Variants in CEP112 observed in about 807,000 individuals in gnomAD.
CEP112 encodes the protein centrosomal protein 112.
Under a neutral mutation model 153.0 loss-of-function variants are expected in CEP112, and 127 were observed. The ratio of observed to expected loss-of-function variants is 0.83; its 90% CI spans 0.72 to 0.96. The LOEUF is 0.96. Among genes scored for constraint, CEP112 ranks in the 40% least tolerant of loss-of-function variants. The pLI is 0.00. For synonymous variants in CEP112, 358 were observed against 374.4 expected, an observed-to-expected ratio of 0.96 and a Z score of 0.51; for missense variants, 1,089 against 1,101.2, an observed-to-expected ratio of 0.99 and a Z score of 0.16.
intron 18 of CEP112, among the ~76,000 whole-genome samples, chr17:65,938,672 G>A (rs1483493690): frequency 6.6e-6 from 1 of 152,030 alleles, no homozygotes; most frequent in Non-Finnish European, 1.5e-5. Flanking sequence ...GTATGCTGAT[G>A]ACATAAACTA....
At chr17:66,046,366 C>T (rs11651977) in intron 12 of CEP112, among the ~76,000 whole-genome samples, 113,526 of 152,032 alleles carry the variant, frequency 0.75, 45,066 homozygotes, top group East Asian at 0.91. Flanking sequence ...AATATAGTCC[C>T]CAAAGAAAGC....
intron 17 of CEP112, among the ~76,000 whole-genome samples, chr17:65,965,051 G>C (rs983626090): frequency 1.3e-5 from 2 of 152,104 alleles, no homozygotes; most frequent in African/African-American, 4.8e-5. Flanking sequence ...TATGTTGAAA[G>C]TCAGTTTTTT....
At chr17:65,956,482 A>G (rs2062008412) in intron 18 of CEP112, among the ~76,000 whole-genome samples, 2 of 152,084 alleles carry the variant, frequency 1.3e-5, no homozygotes, top group African/African-American at 2.4e-5. Context: ...AATGGCATTC[A>G]CATCAACCTG....
At chr17:65,697,308 A>C (rs1234383511) in intron 23 of CEP112, among the ~76,000 whole-genome samples, 1 of 152,114 alleles carries the variant, frequency 6.6e-6, no homozygotes, top group African/African-American at 2.4e-5. Flanking sequence ...TCTCATTTAA[A>C]CCTTAATTGC....
chr17:65,718,927 TA>T (rs2049708193), intron 23 of CEP112, among the ~76,000 whole-genome samples: 1 of 151,804 alleles, frequency 6.6e-6, no homozygotes, highest in African/African-American at 2.4e-5. Flanking sequence ...CAGAGAGAGG[TA>T]GAGAGAAAGG....
intron 17 of CEP112, among the ~76,000 whole-genome samples, chr17:66,003,963 T>C (rs67214786): frequency 0.41 from 62,390 of 151,654 alleles, 14,297 homozygotes; most frequent in East Asian, 0.87. Flanking sequence ...GGACCACTGA[T>C]TGAAAGAAAT....
At chr17:65,713,540 C>T (rs1042550879) in intron 23 of CEP112, among the ~76,000 whole-genome samples, 2 of 152,120 alleles carry the variant, frequency 1.3e-5, no homozygotes, top group Non-Finnish European at 2.9e-5. Context: ...TCAATCCCTC[C>T]ATTTCTTTAA....
At chr17:65,888,516 T>C (rs1423472412) in intron 20 of CEP112, among the ~76,000 whole-genome samples, 1 of 152,016 alleles carries the variant, frequency 6.6e-6, no homozygotes, top group African/African-American at 2.4e-5. Context: ...TTTTACCATA[T>C]ATCATTATTC....
intron 21 of CEP112, among the ~76,000 whole-genome samples, chr17:65,815,450 G>A (rs995788855): frequency 6.6e-6 from 1 of 152,008 alleles, no homozygotes; most frequent in Non-Finnish European, 1.5e-5. Context: ...ATGAAATCAG[G>A]AGGTGTAATT....
At chr17:65,711,693 C>G (rs1232268801) in intron 23 of CEP112, among the ~76,000 whole-genome samples, 2 of 152,238 alleles carry the variant, frequency 1.3e-5, no homozygotes, top group Admixed American at 6.5e-5. Context: ...TTTGTGAAGT[C>G]AAAACATTTT....
intron 20 of CEP112, among the ~76,000 whole-genome samples, chr17:65,867,576 T>C (rs2058527178): frequency 6.6e-6 from 1 of 152,230 alleles, no homozygotes; most frequent in Non-Finnish European, 1.5e-5. Context: ...TTGGGGTTAA[T>C]CTACAGAAGC....
chr17:66,151,962 T>A (rs2071229085), intron 4 of CEP112, among the ~76,000 whole-genome samples: 1 of 152,176 alleles, frequency 6.6e-6, no homozygotes, highest in Non-Finnish European at 1.5e-5. Context: ...TTAGAGTAAT[T>A]TGTAATGGAA....
At chr17:65,654,235 G>C (rs2045946460) in intron 24 of CEP112, among the ~76,000 whole-genome samples, 1 of 152,148 alleles carries the variant, frequency 6.6e-6, no homozygotes, top group African/African-American at 2.4e-5. Flanking sequence ...TCCGTTTTAA[G>C]AAAGGTGCTC....
intron 17 of CEP112, among the ~76,000 whole-genome samples, chr17:66,001,359 T>C (rs1482551772): frequency 6.6e-6 from 1 of 152,244 alleles, no homozygotes; most frequent in African/African-American, 2.4e-5. Flanking sequence ...CTTTGTCAGA[T>C]GCATAGCTTG....
intron 17 of CEP112, among the ~76,000 whole-genome samples, chr17:65,995,781 G>C (rs538466054): frequency 2.9e-4 from 44 of 152,130 alleles, no homozygotes; most frequent in South Asian, 4.2e-4. Flanking sequence ...TTGTAGGAGG[G>C]GCCCAGTGGG....
At chr17:65,665,439 C>T (rs1303788592) in intron 24 of CEP112, among the ~76,000 whole-genome samples, 1 of 152,234 alleles carries the variant, frequency 6.6e-6, no homozygotes, top group African/African-American at 2.4e-5. Flanking sequence ...CTCCTGCCTA[C>T]TGCTCTAGGT....
intron 19 of CEP112, chr17:65,913,701 T>C (rs987457635): frequency 1.0e-6 from 1 of 985,482 alleles, no homozygotes; most frequent in Middle Eastern, 5.2e-4. Flanking sequence ...CACTGCTTCT[T>C]TATTCCTTTT....
intron 21 of CEP112, among the ~76,000 whole-genome samples, chr17:65,820,977 T>C (rs1209167685): frequency 6.6e-6 from 1 of 152,122 alleles, no homozygotes; most frequent in African/African-American, 2.4e-5. Flanking sequence ...AGTCATGCAA[T>C]GGGAACAAAT....
intron 18 of CEP112, among the ~76,000 whole-genome samples, 184 bp from the exon 19 acceptor site, chr17:65,927,873 G>A (rs1219754628): frequency 6.6e-6 from 1 of 151,980 alleles, no homozygotes; most frequent in Non-Finnish European, 1.5e-5. Flanking sequence ...ATTATTTAAG[G>A]AGGGAAATTA....
Sources: gnomAD v4.1 joint callset for allele counts (sites outside exome capture counted in the v4.1 genomes callset) on GRCh38, gnomAD v4.1.1 for gene constraint, MANE v1.5 for transcripts, NCBI Gene and HGNC (gene_info 2026-07-23, HGNC 2026-07-21) for gene names.